ARSG: variants seen among roughly 807,000 people sequenced by gnomAD.
ARSG encodes arylsulfatase G, also known as ASG.
ARSG carries 37 observed loss-of-function variants against 50.5 expected under a neutral mutation model. The ratio of observed to expected loss-of-function variants is 0.73; its 90% CI spans 0.56 to 0.96. ARSG has a LOEUF of 0.96. ARSG is among the 50% of genes least tolerant of loss of function. ARSG has a pLI of 0.00. For missense variants in ARSG, 629 were observed against 675.3 expected, an observed-to-expected ratio of 0.93 and a Z score of 0.76; for synonymous variants, 225 against 254.6, an observed-to-expected ratio of 0.88 and a Z score of 1.11.
At chr17:68,290,886 G>A (rs1432897296), upstream of ARSG, among the ~76,000 whole-genome samples, 9 of 149,604 alleles carry the variant, frequency 6.0e-5, no homozygotes, top group Non-Finnish European at 7.4e-5. Flanking sequence ...ACACCGGCGC[G>A]AGCGCGTCAT....
At chr17:68,436,518 A>C in the ARSG span, 2 of 1,592,980 alleles carry the variant, frequency 1.3e-6, no homozygotes, top group Non-Finnish European at 8.6e-7. Context: ...GCCTGGGGCC[A>C]AGGGAGAGAT....
In ARSG at chr17:68,343,669, G is replaced by A. The variant is rs369315697; in HGVS notation, c.284G>A (p.Arg95Gln). The stretch of plus-strand genomic sequence containing the variant: ...TCCCGGGCTTCCTTGCTCACCGGCC[G>A]GCTTGGCCTTCGCAATGGAGTCACA... ...SPSRASLLTG[R>Q]LGLRNGVTRN... Residue 95 changes from arginine to glutamine, a missense_variant, in exon 3 of 12, where the codon CGG becomes CAG. Arg to Gln is a conservative substitution (Grantham distance 43, BLOSUM62 1). Transcript: ENST00000621439. The A allele has an allele frequency of 6.4e-5, 104 of 1,614,018 alleles. No individual in the cohort carries two copies. The highest frequency in any genetic ancestry group is 8.5e-5 in the Non-Finnish European group (100 of 1,180,016).
intron 2 of ARSG, among the ~76,000 whole-genome samples, chr17:68,308,346 G>A (rs1409449022): frequency 2.0e-5 from 3 of 152,096 alleles, no homozygotes; most frequent in African/African-American, 7.2e-5. Flanking sequence ...AGATGTGTTC[G>A]GAGTTTCTTC....
intron 10 of ARSG, 28 bp from the exon 11 acceptor site, chr17:68,401,332 A>C: frequency 6.2e-7 from 1 of 1,605,354 alleles, no homozygotes; most frequent in Non-Finnish European, 8.5e-7. Flanking sequence ...CAATTTTTCT[A>C]TTAGTAAGCT....
At chr17:68,370,720 C>G (rs16972903) in intron 8 of ARSG, among the ~76,000 whole-genome samples, 196 bp downstream of exon 8, 6,279 of 152,208 alleles carry the variant, frequency 0.041, 333 homozygotes, top group Admixed American at 0.11. Context: ...AACGACTGCT[C>G]AGTTTGGACC....
intron 2 of ARSG, among the ~76,000 whole-genome samples, chr17:68,319,735 G>T (rs1555769892): frequency 6.6e-6 from 1 of 152,188 alleles, no homozygotes; most frequent in South Asian, 2.1e-4. Flanking sequence ...TTAAGGGACC[G>T]ATGGCCTGAT....
At chr17:68,388,363 T>C (rs2080825095) in intron 9 of ARSG, among the ~76,000 whole-genome samples, 2 of 152,162 alleles carry the variant, frequency 1.3e-5, no homozygotes, top group Admixed American at 1.3e-4. Flanking sequence ...TAGATGCCAA[T>C]CGTGTCCCCA....
intron 6 of ARSG, among the ~76,000 whole-genome samples, chr17:68,360,852 C>G (rs1373579067): frequency 2.6e-5 from 4 of 152,262 alleles, no homozygotes; most frequent in Admixed American, 1.3e-4. Flanking sequence ...GAGACTGAGT[C>G]TCGCTCTTGT....
chr17:68,384,156 A>G (rs2080583678), intron 8 of ARSG, among the ~76,000 whole-genome samples: 1 of 152,206 alleles, frequency 6.6e-6, no homozygotes, highest in Admixed American at 6.5e-5. Context: ...TGAGCCACAC[A>G]CAGCACTTGC....
In ARSG at chr17:68,347,108, CTT is replaced by C. The variant is rs2078546845; in HGVS notation, c.407-16_407-15del. 6.2e-7 allele frequency: 1 copy of C among 1,613,708 alleles called. No individual in the cohort carries two copies. On this transcript the variant is annotated splice_polypyrimidine_tract_variant and intron_variant, in intron 3 of 11. Coordinates refer to ENST00000621439, the MANE Select transcript of ARSG (RefSeq NM_001267727.2). ...TATGGGGATTCCTCTGAAAATCTCT[CTT>C]ATGTTTTTCTACAGGCAAATGGCAT...
In ARSG at chr17:68,420,366, C is replaced by T; in HGVS notation, c.1481C>T (p.Ala494Val). Residue 494 changes from alanine (A) to valine (V), a missense_variant, in exon 12 of 12, where the codon GCC (alanine) becomes GTC (valine). By Grantham distance (64) the Ala-to-Val change is moderately conservative (BLOSUM62 0). Transcript: ENST00000621439. Reference protein sequence around the residue: ...KVLADVLQDIANDNISSADYT... With the variant: ...KVLADVLQDIVNDNISSADYT... ...CTTGCAGACGTCCTCCAAGACATTGCCAACGACAACATCTCCAGCGCAGAT... is the reference window on the plus strand; with the variant it reads ...CTTGCAGACGTCCTCCAAGACATTGTCAACGACAACATCTCCAGCGCAGAT... 1.2e-6 allele frequency: 2 copies of T among 1,614,160 alleles called. No individual in the cohort carries two copies. The highest frequency in any genetic ancestry group is 1.7e-6 in the Non-Finnish European group (2 of 1,180,030).
chr17:68,282,377 A>G (rs1340593306), intron 1 of ARSG, among the ~76,000 whole-genome samples: 5 of 152,218 alleles, frequency 3.3e-5, no homozygotes, highest in African/African-American at 1.2e-4. Context: ...GGGGAGGGAT[A>G]GCATTAGGAG....
At chr17:68,448,752 T>C in the ARSG span, among the ~76,000 whole-genome samples, 3 of 152,232 alleles carry the variant, frequency 2.0e-5, no homozygotes, top group Non-Finnish European at 4.4e-5. Flanking sequence ...TACGGATTAC[T>C]ACTATATGCA....
chr17:68,344,915 C>T (rs974220339), intron 3 of ARSG, among the ~76,000 whole-genome samples: 2 of 152,200 alleles, frequency 1.3e-5, no homozygotes, highest in Non-Finnish European at 2.9e-5. Context: ...CTGCTATTGG[C>T]CCTTTTATCC....
intron 10 of ARSG, among the ~76,000 whole-genome samples, chr17:68,395,705 A>T (rs1455019818): frequency 6.6e-6 from 1 of 152,216 alleles, no homozygotes; most frequent in African/African-American, 2.4e-5. Context: ...ATTTAATAAC[A>T]TAGCTACCCA....
At chr17:68,353,061 TTTA>T (rs2078874339) in intron 5 of ARSG, among the ~76,000 whole-genome samples, 1 of 152,078 alleles carries the variant, frequency 6.6e-6, no homozygotes, top group Non-Finnish European at 1.5e-5. Flanking sequence ...ATAGTGGGTA[TTTA>T]TTGAGAAATT....
At chr17:68,281,774 G>A (rs1265479189) in intron 1 of ARSG, among the ~76,000 whole-genome samples, 2 of 152,038 alleles carry the variant, frequency 1.3e-5, no homozygotes, top group Non-Finnish European at 2.9e-5. Flanking sequence ...ACAAATGCTG[G>A]CAAGGATGCG....
the ARSG span, among the ~76,000 whole-genome samples, chr17:68,436,713 C>G: frequency 6.6e-6 from 1 of 152,134 alleles, no homozygotes. Flanking sequence ...TACAGTGAAA[C>G]AATGAGACTT....
chr17:68,389,385 G>T (rs1201335665), intron 9 of ARSG, among the ~76,000 whole-genome samples: 1 of 152,160 alleles, frequency 6.6e-6, no homozygotes, highest in East Asian at 1.9e-4. Context: ...CTCGTGTGTG[G>T]ATGAGGGTGC....
Sources: gnomAD v4.1 joint callset for allele counts (sites outside exome capture counted in the v4.1 genomes callset) on GRCh38, gnomAD v4.1.1 for gene constraint, MANE v1.5 for transcripts, NCBI Gene and HGNC (gene_info 2026-07-23, HGNC 2026-07-21) for gene names.